MED15: variants seen among roughly 807,000 people sequenced by gnomAD.
MED15 encodes mediator complex subunit 15, also known as mediator of RNA polymerase II transcription subunit 15.
Under a neutral mutation model 118.7 loss-of-function variants are expected in MED15, and 41 were observed. The ratio of observed to expected loss-of-function variants is 0.35; its 90% CI spans 0.27 to 0.45. The LOEUF is 0.45. MED15 is among the 20% of genes least tolerant of loss of function. The pLI, the probability that MED15 is intolerant of heterozygous loss-of-function variation, is 1.00. For missense variants in MED15, 740 were observed against 1,025.5 expected (o/e 0.72, Z 3.80); for synonymous variants, 436 against 413.9 (o/e 1.05, Z -0.65).
chr22:20,582,608 C>T lies in MED15; in HGVS notation c.1273-3C>T. The T allele has an allele frequency of 2.6e-6, 4 of 1,547,912 alleles. No individual in the cohort carries two copies. The highest frequency in any genetic ancestry group is 2.4e-5 in the East Asian group (1 of 41,452). ...CGCGCCGGCTGAGCCCCTCCACTTC[C>T]AGGTCAGCCAGAGCAGCCTCCCCAT... is the stretch of plus-strand genomic sequence containing the variant. On this transcript the variant is annotated splice_polypyrimidine_tract_variant and splice_region_variant and intron_variant, in intron 9 of 17. Coordinates refer to ENST00000263205, the MANE Select transcript of MED15 (RefSeq NM_001003891.3).
At chr22:20,525,372 C>G (rs2054597789) in intron 1 of MED15, among the ~76,000 whole-genome samples, 1 of 151,676 alleles carries the variant, frequency 6.6e-6, no homozygotes, top group African/African-American at 2.4e-5. Context: ...GCCACCACGC[C>G]CAGCTAATTT....
chr22:20,579,783 A>G (rs2056924343), intron 9 of MED15, among the ~76,000 whole-genome samples: 1 of 151,966 alleles, frequency 6.6e-6, no homozygotes, highest in South Asian at 2.1e-4. Context: ...CACTAGGATG[A>G]CCTTGAGCAA....
intron 9 of MED15, among the ~76,000 whole-genome samples, chr22:20,576,351 C>G (rs1366641342): frequency 3.3e-5 from 5 of 152,262 alleles, no homozygotes; most frequent in Non-Finnish European, 5.9e-5. Flanking sequence ...ACCACCCTGG[C>G]TTGTGCAGTG....
At chr22:20,563,785 C>G (rs2056328710) in intron 5 of MED15, among the ~76,000 whole-genome samples, 1 of 152,214 alleles carries the variant, frequency 6.6e-6, no homozygotes, top group Non-Finnish European at 1.5e-5. Context: ...CATTAGCATA[C>G]AATTCACCCA....
At chr22:20,580,942 G>C (rs548981542) in intron 9 of MED15, among the ~76,000 whole-genome samples, 1 of 152,216 alleles carries the variant, frequency 6.6e-6, no homozygotes, top group African/African-American at 2.4e-5. Flanking sequence ...CCGGCAGGCC[G>C]AGGCTGGGGC....
At chr22:20,542,359 G>C (rs2055346372) in intron 2 of MED15, among the ~76,000 whole-genome samples, 1 of 152,168 alleles carries the variant, frequency 6.6e-6, no homozygotes, top group Non-Finnish European at 1.5e-5. Context: ...ACAGAATGTA[G>C]AATATCCATA....
intron 1 of MED15, among the ~76,000 whole-genome samples, chr22:20,533,142 G>A (rs1460494245): frequency 6.6e-6 from 1 of 152,148 alleles, no homozygotes; most frequent in Non-Finnish European, 1.5e-5. Context: ...CTGTTCTGAA[G>A]GTGGGCCTGG....
At chr22:20,535,356 C>T (rs570765791) in intron 1 of MED15, among the ~76,000 whole-genome samples, 1 of 152,266 alleles carries the variant, frequency 6.6e-6, no homozygotes, top group East Asian at 1.9e-4. Context: ...CATTAAACCT[C>T]CTTTCTGTGA....
chr22:20,566,049 T>G (rs1463914566), intron 6 of MED15, among the ~76,000 whole-genome samples: 7 of 129,906 alleles, frequency 5.4e-5, no homozygotes, highest in Non-Finnish European at 1.0e-4. Flanking sequence ...TTTTTTTTTT[T>G]TGAGACTTTT....
At chr22:20,550,535 G>A (rs557085804) in intron 2 of MED15, among the ~76,000 whole-genome samples, 180 of 152,392 alleles carry the variant, frequency 1.2e-3, no homozygotes, top group African/African-American at 4.1e-3. Flanking sequence ...GTAGTGGATG[G>A]ACTCTGAGTG....
chr22:20,559,557 C>T (rs1461734993), intron 5 of MED15, among the ~76,000 whole-genome samples: 1 of 152,178 alleles, frequency 6.6e-6, no homozygotes, highest in Non-Finnish European at 1.5e-5. Context: ...CCAAGTTAGC[C>T]ATCTCATCTG....
intron 9 of MED15, among the ~76,000 whole-genome samples, chr22:20,580,007 G>A (rs952475415): frequency 1.1e-4 from 17 of 152,102 alleles, no homozygotes; most frequent in African/African-American, 4.1e-4. Context: ...CCCAGGTGCT[G>A]GACTTGGACT....
intron 9 of MED15, among the ~76,000 whole-genome samples, chr22:20,578,562 G>A (rs1403770734): frequency 1.3e-5 from 2 of 152,186 alleles, no homozygotes; most frequent in African/African-American, 4.8e-5. Context: ...GTGTGCCTCT[G>A]CTTTTGTGTC....
At chr22:20,541,238 CA>C (rs2055294535) in intron 2 of MED15, among the ~76,000 whole-genome samples, 1 of 151,232 alleles carries the variant, frequency 6.6e-6, no homozygotes, top group African/African-American at 2.4e-5. Flanking sequence ...GACTCCGTCT[CA>C]AAAAATAAAT....
rs368459071 is a variant in MED15 at position 20,579,936 on chromosome 22, C to T, written c.1273-2675C>T. Among the ~76,000 whole-genome samples, 8 of 152,260 alleles carry T rather than the reference C, an allele frequency of 5.3e-5. No individual in the cohort carries two copies. In the East Asian group the frequency reaches 1.4e-3, roughly 26 times the overall value. On this transcript the variant is annotated intron_variant, in intron 9 of 17. Transcript: ENST00000263205. ...TGTGACACACCGGCGCCCGACCTCT[C>T]TGGCTGCCTCCCTAATGCCAGTTGT...
intron 5 of MED15, among the ~76,000 whole-genome samples, chr22:20,561,241 C>T (rs145437720): frequency 1.0e-3 from 158 of 152,210 alleles, no homozygotes; most frequent in African/African-American, 3.7e-3. Flanking sequence ...AAGACAAAGG[C>T]CGGGCGCGGT....
intron 1 of MED15, among the ~76,000 whole-genome samples, chr22:20,523,410 A>G (rs535603157): frequency 1.3e-5 from 2 of 152,242 alleles, no homozygotes; most frequent in South Asian, 4.1e-4. Flanking sequence ...AGTAGAGATA[A>G]TAGAAAAGTG....
intron 5 of MED15, 59 bp downstream of exon 5, chr22:20,555,207 A>T: frequency 6.9e-7 from 1 of 1,450,860 alleles, no homozygotes; most frequent in Non-Finnish European, 9.3e-7. Flanking sequence ...AACACATTTT[A>T]TTCCTGTGCT....
intron 2 of MED15, among the ~76,000 whole-genome samples, chr22:20,543,668 C>A (rs935650212): frequency 6.6e-5 from 10 of 152,072 alleles, no homozygotes; most frequent in Admixed American, 5.9e-4. Flanking sequence ...AGTGATTCTC[C>A]TGCCTCAGCC....
Sources: allele counts gnomAD v4.1 joint callset (sites outside exome capture counted in the v4.1 genomes callset), GRCh38; gene constraint gnomAD v4.1.1; transcripts MANE v1.5; gene names NCBI Gene and HGNC (gene_info 2026-07-23, HGNC 2026-07-21).